CRYBG1: variants seen among roughly 807,000 people sequenced by gnomAD.
CRYBG1 encodes beta/gamma crystallin domain-containing protein 1.
In CRYBG1, 139 loss-of-function variants were observed where a neutral mutation model predicts 189.2. That is an observed-to-expected ratio of 0.73 (90% CI 0.64 to 0.85). The LOEUF (loss-of-function observed/expected upper bound fraction) is 0.85, where lower values mean the gene tolerates loss of function less well. Ranked by LOEUF, CRYBG1 falls within the 40% of genes least tolerant of loss-of-function variation. CRYBG1 has a pLI of 0.00. For synonymous variants in CRYBG1, 1,023 were observed against 1,017.1 expected, an observed-to-expected ratio of 1.01 and a Z score of -0.11; for missense variants, 2,611 against 2,675.8, an observed-to-expected ratio of 0.98 and a Z score of 0.53.
chr6:106,551,947 G>A lies in CRYBG1; in HGVS notation c.5408G>A (p.Cys1803Tyr), dbSNP rs2297970. 469,866 of 1,606,296 alleles carry A rather than the reference G, an allele frequency of 0.29. 72,061 individuals carry two copies. The highest frequency in any genetic ancestry group is 0.35 in the South Asian group (31,808 of 90,712). Reference sequence around the variant, plus strand: ...TTTGAGGACTGGGGAGGCAAAAATTGTAAGATCTCTTCTGTTCAACCTATA... The same window carrying A: ...TTTGAGGACTGGGGAGGCAAAAATTATAAGATCTCTTCTGTTCAACCTATA... ...TSFEDWGGKN[C>Y]KISSVQPICL... Residue 1803 changes from cysteine to tyrosine, a missense_variant, in exon 14 of 22, where the codon TGT becomes TAT. Physicochemically the swap from Cys to Tyr is radical, Grantham distance 194. Coordinates refer to ENST00000633556, the MANE Select transcript of CRYBG1 (RefSeq NM_001371242.2).
intron 1 of CRYBG1, among the ~76,000 whole-genome samples, chr6:106,439,993 C>T (rs1024783665): frequency 4.6e-5 from 7 of 152,176 alleles, no homozygotes; most frequent in Non-Finnish European, 1.0e-4. Context: ...TTTCTCTCCC[C>T]TGCATTATGC....
chr6:106,451,903 C>A, intron 2 of CRYBG1, 71 bp downstream of exon 2: 2 of 1,353,162 alleles, frequency 1.5e-6, no homozygotes, highest in South Asian at 1.5e-5. Flanking sequence ...TGTAAGATAG[C>A]CTGTCTAAGA....
At chr6:106,545,091 G>A (rs573628891) in intron 13 of CRYBG1, among the ~76,000 whole-genome samples, 158 bp downstream of exon 13, 90 of 152,272 alleles carry the variant, frequency 5.9e-4, no homozygotes, top group African/African-American at 2.0e-3. Context: ...TGATATTTTC[G>A]TTAACTCTCT....
chr6:106,539,568 G>A (rs201900305), intron 9 of CRYBG1, 39 bp downstream of exon 9: 114 of 1,581,364 alleles, frequency 7.2e-5, no homozygotes, highest in Non-Finnish European at 8.4e-5. Flanking sequence ...GTGATTCTTT[G>A]TCAGCTTGAC....
At chr6:106,363,413 T>G (rs1771919083) in intron 1 of CRYBG1, among the ~76,000 whole-genome samples, 1 of 152,230 alleles carries the variant, frequency 6.6e-6, no homozygotes, top group Non-Finnish European at 1.5e-5. Context: ...GTCTTTGGGA[T>G]GTTTTTCTAG....
chr6:106,443,953 G>C (rs895682170), intron 1 of CRYBG1, among the ~76,000 whole-genome samples: 8 of 151,968 alleles, frequency 5.3e-5, no homozygotes, highest in African/African-American at 1.9e-4. Flanking sequence ...TGAAATACTA[G>C]ATCTTATTCA....
chr6:106,432,920 A>C (rs990664716), intron 1 of CRYBG1, among the ~76,000 whole-genome samples: 22 of 147,556 alleles, frequency 1.5e-4, no homozygotes, highest in African/African-American at 4.8e-4. Context: ...GCTCACTGCA[A>C]CCTCTGTCTC....
At position 106,511,865 on chromosome 6, in the gene CRYBG1, A is replaced by G; in HGVS notation, c.748A>G (p.Thr250Ala). The change falls in exon 3 of 22, where the codon ACC (threonine) becomes GCC (alanine). Residue 250 changes from threonine to alanine, a missense_variant. By Grantham distance (58) the Thr-to-Ala change is moderately conservative. Transcript: ENST00000633556. Reference sequence around the variant, plus strand: ...GGGAGAGCCTTTCCCAGATGCCACCACCACTGCCAAGCAGCTGCATTCCTC... The same window carrying G: ...GGGAGAGCCTTTCCCAGATGCCACCGCCACTGCCAAGCAGCTGCATTCCTC... ...AEGEPFPDAT[T>A]TAKQLHSSPG... The G allele has an allele frequency of 1.3e-6, 2 of 1,516,224 alleles. No homozygotes were observed. The highest frequency in any genetic ancestry group is 1.8e-6 in the Non-Finnish European group (2 of 1,134,666). 93.9% of individuals were successfully genotyped at this position (1,516,224 alleles called of 1,614,324 possible). A position where few individuals can be genotyped will look rare whatever the true frequency, so the allele number is the denominator to read the frequency against.
At chr6:106,421,374 A>G (rs566209650) in intron 1 of CRYBG1, among the ~76,000 whole-genome samples, 51 of 152,216 alleles carry the variant, frequency 3.4e-4, no homozygotes, top group Non-Finnish European at 5.9e-4. Context: ...TACCCTTGCC[A>G]TGCCCTTGAC....
chr6:106,450,982 A>G (rs949451183), intron 1 of CRYBG1, among the ~76,000 whole-genome samples: 1 of 152,208 alleles, frequency 6.6e-6, no homozygotes, highest in African/African-American at 2.4e-5. Context: ...GAAACTGGAC[A>G]CCAGGGTTAG....
chr6:106,538,892 CAAA>C (rs56951856), intron 8 of CRYBG1, among the ~76,000 whole-genome samples: 1 of 147,082 alleles, frequency 6.8e-6, no homozygotes, highest in African/African-American at 2.5e-5. Flanking sequence ...AAGACTCCGT[CAAA>C]AAAAAAAAAA....
At chr6:106,504,752 T>C (rs1437794530) in intron 2 of CRYBG1, among the ~76,000 whole-genome samples, 1 of 152,024 alleles carries the variant, frequency 6.6e-6, no homozygotes, top group Admixed American at 6.6e-5. Flanking sequence ...GGGAGGATAG[T>C]TAATTTATTT....
At chr6:106,384,725 T>G (rs1268422031) in intron 1 of CRYBG1, among the ~76,000 whole-genome samples, 2 of 152,088 alleles carry the variant, frequency 1.3e-5, no homozygotes, top group Admixed American at 6.6e-5. Flanking sequence ...CTTTTAAGTA[T>G]GTTAAGTATG....
At chr6:106,531,878 G>T (rs972051109) in intron 8 of CRYBG1, among the ~76,000 whole-genome samples, 1 of 152,104 alleles carries the variant, frequency 6.6e-6, no homozygotes, top group African/African-American at 2.4e-5. Context: ...AATAACAAGG[G>T]AGGACTATAG....
intron 1 of CRYBG1, among the ~76,000 whole-genome samples, chr6:106,398,711 T>C (rs964951319): frequency 6.6e-6 from 1 of 152,204 alleles, no homozygotes; most frequent in Admixed American, 6.5e-5. Context: ...TGTGATCTTT[T>C]CTATGAAATC....
At chr6:106,496,784 A>G (rs1357405088) in intron 2 of CRYBG1, among the ~76,000 whole-genome samples, 2 of 152,228 alleles carry the variant, frequency 1.3e-5, no homozygotes, top group Admixed American at 1.3e-4. Context: ...AGATAAAGAT[A>G]CATGGCAAGT....
chr6:106,456,494 A>T (rs1043683333), intron 2 of CRYBG1, among the ~76,000 whole-genome samples: 1 of 152,118 alleles, frequency 6.6e-6, no homozygotes, highest in African/African-American at 2.4e-5. Context: ...AGTTAATCTT[A>T]TAATTATAGA....
intron 17 of CRYBG1, among the ~76,000 whole-genome samples, chr6:106,556,770 T>C (rs1244044878): frequency 2.0e-5 from 3 of 152,184 alleles, no homozygotes; most frequent in Non-Finnish European, 4.4e-5. Flanking sequence ...CGTATGTGAG[T>C]TGGTTTTCAT....
intron 2 of CRYBG1, among the ~76,000 whole-genome samples, chr6:106,471,277 C>T (rs565600020): frequency 6.6e-6 from 1 of 152,280 alleles, no homozygotes; most frequent in African/African-American, 2.4e-5. Context: ...CAGGATGCTC[C>T]TGGTAAATCT....
Sources: allele counts gnomAD v4.1 joint callset (sites outside exome capture counted in the v4.1 genomes callset), GRCh38; gene constraint gnomAD v4.1.1; transcripts MANE v1.5; gene names NCBI Gene and HGNC (gene_info 2026-07-23, HGNC 2026-07-21).